The following GSK3B variants were observed in gnomAD, a reference collection of about 807,000 sequenced individuals.
The protein encoded by GSK3B is glycogen synthase kinase-3 beta.
A neutral mutation model predicts 56.4 loss-of-function variants in GSK3B; 15 were observed. The ratio of observed to expected loss-of-function variants is 0.27; its 90% CI spans 0.18 to 0.41. GSK3B has a LOEUF of 0.41. Among genes scored for constraint, GSK3B ranks in the 10% least tolerant of loss-of-function variants. The pLI, the probability that GSK3B is intolerant of heterozygous loss-of-function variation, is 1.00. For missense variants in GSK3B, 300 were observed against 513.4 expected (o/e 0.58, Z 4.02); for synonymous variants, 181 against 188.9 (o/e 0.96, Z 0.34).
At chr3:120,051,856 A>C (rs975523465) in intron 1 of GSK3B, among the ~76,000 whole-genome samples, 1 of 152,200 alleles carries the variant, frequency 6.6e-6, no homozygotes, top group African/African-American at 2.4e-5. Context: ...AAAGCAATGA[A>C]ACCTTTAATA....
intron 3 of GSK3B, among the ~76,000 whole-genome samples, chr3:119,933,894 T>C (rs2056970189): frequency 2.0e-5 from 3 of 151,692 alleles, no homozygotes; most frequent in Non-Finnish European, 1.5e-5. Flanking sequence ...ATAACCATAA[T>C]AATAAATAAA....
chr3:120,023,601 GC>G (rs1431197290), intron 1 of GSK3B, among the ~76,000 whole-genome samples: 2 of 152,004 alleles, frequency 1.3e-5, no homozygotes, highest in East Asian at 3.8e-4. Flanking sequence ...ATTTCATGAT[GC>G]CCCTTAAATT....
intron 8 of GSK3B, among the ~76,000 whole-genome samples, chr3:119,876,117 G>A (rs2056310684): frequency 6.6e-6 from 1 of 151,902 alleles, no homozygotes; most frequent in Non-Finnish European, 1.5e-5. Context: ...TGAATTTTAG[G>A]TTGTCAAAAT....
chr3:119,867,191 T>C (rs937069318), intron 8 of GSK3B, among the ~76,000 whole-genome samples: 6 of 152,204 alleles, frequency 3.9e-5, no homozygotes, highest in African/African-American at 1.2e-4. Context: ...TATATTACTA[T>C]AGATTTCAAG....
intron 3 of GSK3B, among the ~76,000 whole-genome samples, chr3:119,923,858 T>C (rs1576203048): frequency 6.6e-6 from 1 of 151,904 alleles, no homozygotes; most frequent in Non-Finnish European, 1.5e-5. Flanking sequence ...GCAGGGAGAG[T>C]ACTGAATCTG....
At chr3:119,842,494 T>C (rs906349179) in intron 10 of GSK3B, among the ~76,000 whole-genome samples, 1 of 152,100 alleles carries the variant, frequency 6.6e-6, no homozygotes, top group Non-Finnish European at 1.5e-5. Flanking sequence ...GCAATTTACA[T>C]TCGAGGGGAA....
intron 1 of GSK3B, among the ~76,000 whole-genome samples, chr3:120,086,787 C>T (rs1242872475): frequency 6.6e-6 from 1 of 150,712 alleles, no homozygotes; most frequent in Non-Finnish European, 1.5e-5. Flanking sequence ...GGCAACACAG[C>T]GAGACCCTGT....
chr3:119,941,224 C>T (rs1043560724), intron 3 of GSK3B, among the ~76,000 whole-genome samples: 2 of 152,184 alleles, frequency 1.3e-5, no homozygotes, highest in African/African-American at 4.8e-5. Context: ...ACCATGTTAG[C>T]CAGGCTGGTC....
chr3:119,921,145 C>T (rs540247645), intron 4 of GSK3B, among the ~76,000 whole-genome samples: 17 of 152,304 alleles, frequency 1.1e-4, no homozygotes, highest in Non-Finnish European at 2.1e-4. Context: ...CAACAAAACA[C>T]CTCATTCATT....
intron 7 of GSK3B, among the ~76,000 whole-genome samples, chr3:119,886,379 TA>T (rs1230671224): frequency 6.6e-6 from 1 of 151,640 alleles, no homozygotes; most frequent in East Asian, 1.9e-4. Context: ...AATTAAAAAG[TA>T]AAAAAACAAC....
intron 7 of GSK3B, among the ~76,000 whole-genome samples, chr3:119,876,856 T>G (rs2056320944): frequency 6.6e-6 from 1 of 152,166 alleles, no homozygotes; most frequent in South Asian, 2.1e-4. Flanking sequence ...TGCCTTGTCT[T>G]GACTTTCTGC....
chr3:119,860,016 A>AC (rs1404488654), intron 9 of GSK3B, among the ~76,000 whole-genome samples: 1 of 152,108 alleles, frequency 6.6e-6, no homozygotes, highest in Non-Finnish European at 1.5e-5. Context: ...TATCTTTACC[A>AC]CCCCCATCCT....
chr3:119,964,192 A>T (rs188975577), intron 2 of GSK3B, among the ~76,000 whole-genome samples: 22 of 152,346 alleles, frequency 1.4e-4, no homozygotes, highest in Admixed American at 2.6e-4. Context: ...TAAGCAAAGG[A>T]CTGGAATAGA....
At chr3:120,086,322 A>G (rs761768877) in intron 1 of GSK3B, among the ~76,000 whole-genome samples, 1 of 152,188 alleles carries the variant, frequency 6.6e-6, no homozygotes, top group Admixed American at 6.5e-5. Context: ...CTAGCACACT[A>G]AAGACTTTAG....
chr3:119,989,879 C>T (rs960088134), intron 2 of GSK3B, among the ~76,000 whole-genome samples: 1 of 152,096 alleles, frequency 6.6e-6, no homozygotes, highest in African/African-American at 2.4e-5. Context: ...GATGTCATTG[C>T]TCCTACAGTC....
chr3:120,057,209 T>G (rs940511941), intron 1 of GSK3B, among the ~76,000 whole-genome samples: 1 of 152,126 alleles, frequency 6.6e-6, no homozygotes, highest in Non-Finnish European at 1.5e-5. Context: ...AATGTAAAAA[T>G]TAAAAGTGGT....
intron 9 of GSK3B, among the ~76,000 whole-genome samples, chr3:119,844,811 T>G (rs1577311016): frequency 1.3e-5 from 2 of 152,354 alleles, no homozygotes; most frequent in Non-Finnish European, 1.5e-5. Context: ...ACTCATTTTA[T>G]GCAGCCAGCA....
chr3:119,984,210 T>A (rs2057491543), intron 2 of GSK3B, among the ~76,000 whole-genome samples: 1 of 152,128 alleles, frequency 6.6e-6, no homozygotes, highest in South Asian at 2.1e-4. Flanking sequence ...TAAAGCAGTG[T>A]GTAGAGGGAA....
At chr3:119,912,874 G>C (rs2056749194) in intron 5 of GSK3B, 64 bp from the exon 6 acceptor site, 1 of 708,762 alleles carries the variant, frequency 1.4e-6, no homozygotes, top group Admixed American at 2.1e-5. Context: ...AAAGAACTTA[G>C]ACTGCTATCC....
Sources: allele counts gnomAD v4.1 joint callset (sites outside exome capture counted in the v4.1 genomes callset), GRCh38; gene constraint gnomAD v4.1.1; transcripts MANE v1.5; gene names NCBI Gene and HGNC (gene_info 2026-07-23, HGNC 2026-07-21).